The following STXBP5 variants were observed in gnomAD, a reference collection of about 807,000 sequenced individuals.
The protein encoded by STXBP5 is syntaxin-binding protein 5.
STXBP5 carries 50 observed loss-of-function variants against 152.4 expected under a neutral mutation model. The ratio of observed to expected loss-of-function variants is 0.33; its 90% CI spans 0.26 to 0.42. The LOEUF (loss-of-function observed/expected upper bound fraction) is 0.42. STXBP5 is among the 10% of genes least tolerant of loss of function. The probability of loss-of-function intolerance (pLI) is 1.00; values close to 1 mark genes in which losing one functional copy is unlikely to be tolerated. For synonymous variants in STXBP5, 492 were observed against 494.7 expected (o/e 0.99, Z 0.07); for missense variants, 1,167 against 1,388.6 (o/e 0.84, Z 2.54).
intron 3 of STXBP5, among the ~76,000 whole-genome samples, chr6:147,236,429 A>G (rs544493306): frequency 1.3e-5 from 2 of 152,302 alleles, no homozygotes; most frequent in Admixed American, 1.3e-4. Flanking sequence ...TAAGTTTAAA[A>G]ATAGTTTCAG....
At chr6:147,231,445 A>G (rs914725406) in intron 2 of STXBP5, among the ~76,000 whole-genome samples, 2 of 151,884 alleles carry the variant, frequency 1.3e-5, no homozygotes, top group African/African-American at 4.8e-5. Context: ...AACAAGAATT[A>G]CTAGTGGGAT....
Position 147,379,205 on chromosome 6 carries a change from T to A in STXBP5, c.3194-3573T>A, listed in dbSNP as rs541539551. On this transcript the variant is annotated intron_variant, in intron 26 of 27. Coordinates refer to ENST00000321680, the MANE Select transcript of STXBP5 (RefSeq NM_001127715.4). ...CTCTATGTCTGGGTCCTTAGTCACA[T>A]CTGCAAAGATCCTTTTCCTATATAA... Among the ~76,000 whole-genome samples, 174 of 152,224 alleles carry A rather than the reference T, an allele frequency of 1.1e-3. 1 individual carries two copies. Among genetic ancestry groups the A allele is most frequent in the African/African-American group, 4.1e-3 (171 of 41,570 alleles).
intron 4 of STXBP5, among the ~76,000 whole-genome samples, chr6:147,252,962 G>A (rs1298157340): frequency 6.6e-6 from 1 of 152,092 alleles, no homozygotes; most frequent in Non-Finnish European, 1.5e-5. Context: ...CATTTTATGA[G>A]GCCAGCCATC....
intron 21 of STXBP5, among the ~76,000 whole-genome samples, chr6:147,341,779 CCTGACAGTACAG>C (rs1784106200): frequency 6.6e-6 from 1 of 151,810 alleles, no homozygotes; most frequent in Non-Finnish European, 1.5e-5. Context: ...TTTTTAACTG[CCTGACAGTACAG>C]CTGAGGTAGC....
chr6:147,311,470 A>G lies in STXBP5; in HGVS notation c.1088A>G (p.Tyr363Cys), dbSNP rs1451163061. ...TPYPNDFQEP[Y>C]AVVVLLEKDL... ...CCAATTCCAGATTTTCAAGAACCAT[A>G]TGCTGTGGTTGTTCTTCTAGAAAAG... The change falls in exon 11 of 28, where the codon TAT becomes TGT. Residue 363 changes from tyrosine to cysteine, a missense_variant. Tyr to Cys is a radical substitution (Grantham distance 194, BLOSUM62 -2). Transcript: ENST00000321680. The G allele has an allele frequency of 6.2e-7, 1 of 1,612,092 alleles. No homozygotes were observed. Among genetic ancestry groups the G allele is most frequent in the African/African-American group, 1.3e-5 (1 of 74,842 alleles).
chr6:147,285,070 T>C (rs1470237597), intron 8 of STXBP5, among the ~76,000 whole-genome samples: 2 of 152,126 alleles, frequency 1.3e-5, no homozygotes, highest in East Asian at 3.9e-4. Flanking sequence ...AAACCAATTA[T>C]TTGAGGCTTG....
intron 2 of STXBP5, among the ~76,000 whole-genome samples, chr6:147,218,514 T>C (rs1296199626): frequency 1.3e-5 from 2 of 152,108 alleles, no homozygotes; most frequent in Non-Finnish European, 2.9e-5. Flanking sequence ...ACAGTCTTGC[T>C]CTGTTTCCCA....
intron 2 of STXBP5, among the ~76,000 whole-genome samples, chr6:147,209,354 G>C (rs1029631497): frequency 6.6e-6 from 1 of 152,148 alleles, no homozygotes; most frequent in South Asian, 2.1e-4. Context: ...GCAGAGTAAT[G>C]TTGCTGGAGA....
intron 6 of STXBP5, 41 bp from the exon 7 acceptor site, chr6:147,267,043 G>T (rs542200003): frequency 8.9e-6 from 13 of 1,467,688 alleles, no homozygotes; most frequent in Admixed American, 1.9e-5. Context: ...TTTTATAATT[G>T]ATATCATTCC....
At chr6:147,369,332 A>G (rs1785440026) in intron 25 of STXBP5, among the ~76,000 whole-genome samples, 3 of 152,098 alleles carry the variant, frequency 2.0e-5, no homozygotes, top group Admixed American at 1.3e-4. Context: ...AAAATGTATT[A>G]TGGACCTACA....
In STXBP5 at chr6:147,334,175, G is replaced by A; in HGVS notation, c.2099G>A (p.Ser700Asn). Residue 700 changes from serine to asparagine, a missense_variant, in exon 19 of 28, where the codon AGT (serine) becomes AAT (asparagine). Ser to Asn is a conservative substitution (Grantham distance 46). This residue lies in a region of STXBP5 where 833 missense variants were observed against 986.3 expected (regional missense o/e 0.84). Coordinates refer to ENST00000321680, the MANE Select transcript of STXBP5 (RefSeq NM_001127715.4). ...QPSGAGLCDI[S>N]EGTVVPEDRC... ...TTTGTAGCCGGTCTGTGTGATATTAGTGAAGGGACTGTTGTTCCAGAGGAT... is the reference window on the plus strand; with the variant it reads ...TTTGTAGCCGGTCTGTGTGATATTAATGAAGGGACTGTTGTTCCAGAGGAT... 6.2e-7 allele frequency: 1 copy of A among 1,612,798 alleles called. No homozygotes were observed. Among genetic ancestry groups the A allele is most frequent in the Non-Finnish European group, 8.5e-7 (1 of 1,179,486 alleles).
chr6:147,251,217 C>T (rs1459799781), intron 4 of STXBP5, among the ~76,000 whole-genome samples: 1 of 152,152 alleles, frequency 6.6e-6, no homozygotes, highest in Non-Finnish European at 1.5e-5. Context: ...CACGGGAAGC[C>T]ATGAGGTATG....
In STXBP5 at chr6:147,324,840, A is replaced by C. The variant is rs891190332; in HGVS notation, c.1803-119A>C. On this transcript the variant is annotated intron_variant, in intron 16 of 27. Transcript: ENST00000321680. ...ACTAGGTTAAATGCTTCTAGAAAAC[A>C]GGATTCTGATTTTTATATATTTAAG... 18 of 969,498 alleles carry C rather than the reference A, an allele frequency of 1.9e-5. No homozygotes were observed. In the African/African-American group the frequency reaches 3.1e-4, roughly 17 times the overall value. The allele number at this position is 969,498 out of a possible 1,614,324, so 60.1% of individuals were successfully genotyped here. A position where few individuals can be genotyped will look rare whatever the true frequency, so the allele number is the denominator to read the frequency against.
intron 9 of STXBP5, among the ~76,000 whole-genome samples, chr6:147,301,741 A>G (rs1480605727): frequency 2.0e-5 from 3 of 152,176 alleles, no homozygotes; most frequent in Admixed American, 2.0e-4. Flanking sequence ...GCATTTGCTT[A>G]GTACAATTCT....
Position 147,225,607 on chromosome 6 carries a change from C to T in STXBP5, c.249-9643C>T, listed in dbSNP as rs144563749. On this transcript the variant is annotated intron_variant, in intron 2 of 27. Transcript: ENST00000321680. ...CCAGTTTTGATACTGTCTCATTCTT[C>T]ATATAAAAGTAGAGGTTGTCAGAAT... 5.8e-3 allele frequency among the ~76,000 whole-genome samples: 876 copies of T among 152,238 alleles called. 5 individuals are homozygous for T. Among genetic ancestry groups the T allele is most frequent in the African/African-American group, 0.02 (837 of 41,548 alleles).
intron 2 of STXBP5, among the ~76,000 whole-genome samples, chr6:147,219,799 GTTTTTTTTTT>G (rs35444906): frequency 2.3e-5 from 2 of 86,104 alleles, no homozygotes; most frequent in African/African-American, 4.5e-5. Flanking sequence ...CTAGAAGCTT[GTTTTTTTTTT>G]TTTTTTTTTT....
At chr6:147,356,682 T>A (rs1214497984) in intron 22 of STXBP5, among the ~76,000 whole-genome samples, 3 of 152,124 alleles carry the variant, frequency 2.0e-5, no homozygotes, top group Non-Finnish European at 4.4e-5. Context: ...ATAATCAAAG[T>A]TATGTTGCAT....
chr6:147,216,396 A>G (rs899356648), intron 2 of STXBP5, among the ~76,000 whole-genome samples: 16 of 152,192 alleles, frequency 1.1e-4, no homozygotes, highest in African/African-American at 3.9e-4. Context: ...CATGTCAAAA[A>G]CAAAAAACAA....
chr6:147,251,803 C>T lies in STXBP5; in HGVS notation c.432-8812C>T, dbSNP rs569165902. Among the ~76,000 whole-genome samples, 10 of 152,306 alleles carry T rather than the reference C, an allele frequency of 6.6e-5. No homozygotes were observed. The South Asian group carries it at 1.5e-3, about 22-fold the overall frequency. On this transcript the variant is annotated intron_variant, in intron 4 of 27. Transcript: ENST00000321680. ...CCCATGTATCCTTACTGGGAGACACCTCGCAGCAGGGGTCGACAGACACCT... is the reference window on the plus strand; with the variant it reads ...CCCATGTATCCTTACTGGGAGACACTTCGCAGCAGGGGTCGACAGACACCT...
Sources: gnomAD v4.1 joint callset for allele counts (sites outside exome capture counted in the v4.1 genomes callset) on GRCh38, gnomAD v4.1.1 for gene constraint, gnomAD v4.1.1 regional missense constraint, MANE v1.5 for transcripts, NCBI Gene and HGNC (gene_info 2026-07-23, HGNC 2026-07-21) for gene names.